SERTM1: variants seen among roughly 807,000 people sequenced by gnomAD.
SERTM1 encodes the protein serine-rich and transmembrane domain-containing protein 1.
A neutral mutation model predicts 5.5 loss-of-function variants in SERTM1; 1 was observed. That is an observed-to-expected ratio of 0.18 (90% CI 0.06 to 0.86). The LOEUF (loss-of-function observed/expected upper bound fraction) is 0.86, where lower values mean the gene tolerates loss of function less well. Among genes scored for constraint, SERTM1 ranks in the 40% least tolerant of loss-of-function variants. The pLI is 0.69. For synonymous variants in SERTM1, 52 were observed against 55.1 expected (o/e 0.94, Z 0.25); for missense variants, 91 against 122.4 (o/e 0.74, Z 1.21).
chr13:36,686,528 C>T (rs1012009836), intron 1 of SERTM1, among the ~76,000 whole-genome samples: 1 of 152,088 alleles, frequency 6.6e-6, no homozygotes. Flanking sequence ...CATTTTGACA[C>T]ACTTGTTTTA....
rs1029588116 is a variant in SERTM1, at chr13:36,695,468, G to A, written c.*66G>A. ...ATCCCCTTACGGAAGTGTCCCGTGA[G>A]GCATTGCCTCATGAAAGAAATGATC... On this transcript the variant is annotated 3_prime_UTR_variant, in exon 2 of 2. Transcript: ENST00000315190. The A allele has an allele frequency of 7.8e-6, 9 of 1,155,770 alleles. No individual in the cohort carries two copies. The highest frequency in any genetic ancestry group is 1.1e-5 in the Non-Finnish European group (9 of 795,710). 71.6% of individuals were successfully genotyped at this position (1,155,770 alleles called of 1,614,324 possible).
At chr13:36,689,534 A>C (rs1345048043) in intron 1 of SERTM1, among the ~76,000 whole-genome samples, 3 of 148,462 alleles carry the variant, frequency 2.0e-5, no homozygotes. Flanking sequence ...TAATAATAAT[A>C]ATAATAATAA....
chr13:36,694,377 A>G (rs1371945798), intron 1 of SERTM1, among the ~76,000 whole-genome samples: 1 of 152,250 alleles, frequency 6.6e-6, no homozygotes. Context: ...AAAGAGTTAC[A>G]TAGAAATGGC....
intron 1 of SERTM1, 135 bp from the exon 2 acceptor site, chr13:36,694,771 G>A: frequency 2.8e-6 from 1 of 357,248 alleles, no homozygotes; most frequent in Non-Finnish European, 5.0e-6. Context: ...AAACATGACT[G>A]ATTCCTAGGG....
intron 1 of SERTM1, among the ~76,000 whole-genome samples, chr13:36,684,392 AACAC>A (rs2056726982): frequency 6.6e-6 from 1 of 152,232 alleles, no homozygotes; most frequent in South Asian, 2.1e-4. Context: ...GATTAAAGAA[AACAC>A]ACATACATAT....
At chr13:36,687,430 C>G (rs2056748862) in intron 1 of SERTM1, among the ~76,000 whole-genome samples, 1 of 151,840 alleles carries the variant, frequency 6.6e-6, no homozygotes, top group African/African-American at 2.4e-5. Flanking sequence ...TTTTTTCAGA[C>G]AAGTGGATCC....
rs977108697 is a variant in SERTM1, at chr13:36,695,164, C to T, written c.86C>T (p.Thr29Met). Reference sequence around the variant, plus strand: ...GAGCTGTTTCCCACATCCCTGTCCACGTCAGTGGACCCATCCTCAGGCCAC... The same window carrying T: ...GAGCTGTTTCCCACATCCCTGTCCATGTCAGTGGACCCATCCTCAGGCCAC... The part of the protein sequence containing the change: ...FLELFPTSLS[T>M]SVDPSSGHLS... The change falls in exon 2 of 2, where the codon ACG becomes ATG. Residue 29 changes from threonine to methionine, a missense_variant. By Grantham distance (81) the Thr-to-Met change is moderately conservative. Transcript: ENST00000315190. The T allele has an allele frequency of 4.3e-6, 7 of 1,614,126 alleles. No individual in the cohort carries two copies. Among genetic ancestry groups the T allele is most frequent in the Non-Finnish European group, 4.2e-6 (5 of 1,179,940 alleles).
intron 1 of SERTM1, among the ~76,000 whole-genome samples, chr13:36,678,123 A>G (rs1262269651): frequency 6.6e-6 from 1 of 152,344 alleles, no homozygotes; most frequent in South Asian, 2.1e-4. Context: ...GGCATATGCT[A>G]TAATCAAATT....
At chr13:36,677,321 A>G (rs572711888) in intron 1 of SERTM1, among the ~76,000 whole-genome samples, 3 of 152,236 alleles carry the variant, frequency 2.0e-5, no homozygotes, top group Non-Finnish European at 4.4e-5. Context: ...CAGCCAAAAC[A>G]GTGCCAATGA....
chr13:36,690,409 T>G (rs2056770569), intron 1 of SERTM1, among the ~76,000 whole-genome samples: 1 of 152,236 alleles, frequency 6.6e-6, no homozygotes, highest in East Asian at 1.9e-4. Context: ...GATAGTAAAC[T>G]TTATTTCTAT....
At chr13:36,688,683 T>C (rs1164263033) in intron 1 of SERTM1, among the ~76,000 whole-genome samples, 1 of 152,214 alleles carries the variant, frequency 6.6e-6, no homozygotes, top group Non-Finnish European at 1.5e-5. Context: ...AAAGAATTGA[T>C]CCCAAAAGCT....
chr13:36,691,379 C>A (rs541721313), intron 1 of SERTM1, among the ~76,000 whole-genome samples: 1 of 152,170 alleles, frequency 6.6e-6, no homozygotes, highest in Non-Finnish European at 1.5e-5. Context: ...CGCTGTCTTA[C>A]GTTGTCTCTC....
At chr13:36,677,756 T>C (rs2056679259) in intron 1 of SERTM1, among the ~76,000 whole-genome samples, 1 of 152,252 alleles carries the variant, frequency 6.6e-6, no homozygotes, top group Admixed American at 6.5e-5. Flanking sequence ...AGTCTGGTGC[T>C]GATTAGAAGT....
At chr13:36,674,985 G>A (rs893833057) in intron 1 of SERTM1, among the ~76,000 whole-genome samples, 1 of 152,116 alleles carries the variant, frequency 6.6e-6, no homozygotes, top group African/African-American at 2.4e-5. Context: ...TCTGATTTAG[G>A]AAAGGGATAT....
At chr13:36,693,498 G>A (rs1265740407) in intron 1 of SERTM1, among the ~76,000 whole-genome samples, 1 of 151,660 alleles carries the variant, frequency 6.6e-6, no homozygotes, top group East Asian at 1.9e-4. Flanking sequence ...AATTATTTTA[G>A]GAACTACTAA....
At chr13:36,691,967 G>A (rs1052696749) in intron 1 of SERTM1, among the ~76,000 whole-genome samples, 2 of 152,156 alleles carry the variant, frequency 1.3e-5, no homozygotes, top group Non-Finnish European at 2.9e-5. Context: ...ATAAGGAAAC[G>A]AGAATTAACA....
chr13:36,683,701 C>T (rs1387273243), intron 1 of SERTM1, among the ~76,000 whole-genome samples: 1 of 152,136 alleles, frequency 6.6e-6, no homozygotes, highest in South Asian at 2.1e-4. Context: ...CTAGGTCTTA[C>T]ATTTTCTATC....
chr13:36,675,440 A>T (rs2056663859), intron 1 of SERTM1, among the ~76,000 whole-genome samples: 1 of 152,198 alleles, frequency 6.6e-6, no homozygotes, highest in Non-Finnish European at 1.5e-5. Context: ...GTCAACAGGA[A>T]AAGAGGCACA....
intron 1 of SERTM1, among the ~76,000 whole-genome samples, chr13:36,689,391 G>A (rs754839401): frequency 3.3e-5 from 5 of 151,630 alleles, no homozygotes; most frequent in African/African-American, 9.7e-5. Context: ...TGTAATCCCC[G>A]CTACTAGGGA....
Sources: allele counts gnomAD v4.1 joint callset (sites outside exome capture counted in the v4.1 genomes callset), GRCh38; gene constraint gnomAD v4.1.1; transcripts MANE v1.5; gene names NCBI Gene and HGNC (gene_info 2026-07-23, HGNC 2026-07-21).